DENND4C: variants seen among roughly 807,000 people sequenced by gnomAD.
DENND4C encodes DENN domain-containing protein 4C.
Under a neutral mutation model 203.0 loss-of-function variants are expected in DENND4C, and 108 were observed. That is an observed-to-expected ratio of 0.53 (90% CI 0.46 to 0.62). The LOEUF is 0.62. Among genes scored for constraint, DENND4C ranks in the 20% least tolerant of loss-of-function variants. The pLI is 0.00. For synonymous variants in DENND4C, 871 were observed against 792.4 expected, an observed-to-expected ratio of 1.10 and a Z score of -1.67; for missense variants, 2,481 against 2,301.2, an observed-to-expected ratio of 1.08 and a Z score of -1.60.
rs765972177 is a variant in DENND4C at position 19,324,374 on chromosome 9, G to C, written c.1820G>C (p.Ser607Thr). Residue 607 changes from serine to threonine, a missense_variant, in exon 13 of 33, where the codon AGT becomes ACT. By Grantham distance (58) the Ser-to-Thr change is moderately conservative (BLOSUM62 1). Around this residue, in one of 3 missense-constraint regions of DENND4C, gnomAD observed 2,289 missense variants for 2,113.3 expected, o/e 1.08. Transcript: ENST00000434457. ...SLFDRQGFLK[S>T]RDRAYAKFYT... The stretch of plus-strand genomic sequence containing the variant: ...TTGTTTTCCTCAGGATTTTTAAAAA[G>C]TCGAGATCGTGCCTATGCAAAATTC... The C allele has an allele frequency of 1.3e-6, 2 of 1,590,388 alleles. No individual in the cohort carries two copies. The highest frequency in any genetic ancestry group is 2.7e-5 in the African/African-American group (2 of 73,282).
chr9:19,265,423 A>G (rs1830286678), intron 1 of DENND4C, among the ~76,000 whole-genome samples: 3 of 139,048 alleles, frequency 2.2e-5, no homozygotes, highest in Non-Finnish European at 4.6e-5. Context: ...TCCTCTTGTT[A>G]CTGATTTCTT....
intron 31 of DENND4C, 25 bp from the exon 32 acceptor site, chr9:19,371,731 C>T (rs1486504807): frequency 7.9e-7 from 1 of 1,260,840 alleles, no homozygotes; most frequent in Non-Finnish European, 1.1e-6. Context: ...TGCCCATTGA[C>T]TTTTAAAACA....
Position 19,276,364 on chromosome 9 carries a change from G to A in DENND4C, c.190G>A (p.Val64Ile). The change falls in exon 2 of 33, where the codon GTA becomes ATA. Residue 64 changes from valine (V) to isoleucine (I), a missense_variant. Val to Ile is a conservative substitution (Grantham distance 29). This residue lies in a region of DENND4C where 187 missense variants were observed against 167.4 expected (regional missense o/e 1.12). Coordinates refer to ENST00000434457, the MANE Select transcript of DENND4C (RefSeq NM_001330640.2). ...AACAGTACCTGAAGGTTACACCTGT[G>A]TAGAAGCCACTCCATCAGCTCTCCA... Reference protein sequence around the residue: ...GETVPEGYTCVEATPSALQAN... With the variant: ...GETVPEGYTCIEATPSALQAN... 8.1e-7 allele frequency: 1 copy of A among 1,232,094 alleles called. No homozygotes were observed. The highest frequency in any genetic ancestry group is 1.0e-6 in the Non-Finnish European group (1 of 987,922). The allele number at this position is 1,232,094 out of a possible 1,614,324, so 76.3% of individuals were successfully genotyped here.
intron 1 of DENND4C, among the ~76,000 whole-genome samples, chr9:19,261,154 A>G (rs73425092): frequency 0.054 from 8,208 of 152,142 alleles, 375 homozygotes; most frequent in African/African-American, 0.12. Flanking sequence ...CACCTTTGTC[A>G]AAAATAAGTT....
chr9:19,305,822 C>CTTTTT (rs1298099307), intron 10 of DENND4C, among the ~76,000 whole-genome samples: 3 of 152,154 alleles, frequency 2.0e-5, no homozygotes, highest in Admixed American at 6.6e-5. Flanking sequence ...TTAAACACTG[C>CTTTTT]TTTCAGAGCT....
At chr9:19,294,034 T>C (rs958928398) in intron 5 of DENND4C, among the ~76,000 whole-genome samples, 1 of 152,144 alleles carries the variant, frequency 6.6e-6, no homozygotes, top group Non-Finnish European at 1.5e-5. Flanking sequence ...GATGATGAGC[T>C]CACTTTTGAA....
intron 1 of DENND4C, among the ~76,000 whole-genome samples, chr9:19,246,878 C>G (rs1416105020): frequency 2.0e-5 from 3 of 152,172 alleles, no homozygotes; most frequent in Admixed American, 2.0e-4. Flanking sequence ...ACAAAAACAG[C>G]TCATTTCTCA....
intron 7 of DENND4C, 135 bp downstream of exon 7, chr9:19,298,257 G>A: frequency 1.4e-6 from 1 of 697,130 alleles, no homozygotes; most frequent in Non-Finnish European, 2.3e-6. Context: ...TCTGTGCTTT[G>A]TAGCTTTACT....
chr9:19,327,713 T>G (rs1479973197), intron 15 of DENND4C, among the ~76,000 whole-genome samples: 1 of 151,836 alleles, frequency 6.6e-6, no homozygotes, highest in Non-Finnish European at 1.5e-5. Context: ...ATACTAAAAT[T>G]TTTTTAAACA....
rs563715442 is a variant in DENND4C at position 19,232,171 on chromosome 9, T to A, written c.-18+1338T>A. On this transcript the variant is annotated intron_variant, in intron 1 of 32. Coordinates refer to ENST00000434457, the MANE Select transcript of DENND4C (RefSeq NM_001330640.2). ...TATTACTGTTAAAGAGTTGGTAAAC[T>A]GCCGTCTTGCTGTGAGACTGGGAAG... 8.5e-5 allele frequency among the ~76,000 whole-genome samples: 13 copies of A among 152,348 alleles called. No individual in the cohort carries two copies. The East Asian group carries it at 2.5e-3, about 29-fold the overall frequency.
chr9:19,273,317 C>T (rs1832159752), intron 1 of DENND4C, among the ~76,000 whole-genome samples: 1 of 151,808 alleles, frequency 6.6e-6, no homozygotes, highest in African/African-American at 2.4e-5. Context: ...AACTCCTGAC[C>T]TCAGGTGATC....
At chr9:19,330,777 C>T (rs1469342351) in intron 16 of DENND4C, among the ~76,000 whole-genome samples, 21 of 151,964 alleles carry the variant, frequency 1.4e-4, no homozygotes, top group Admixed American at 1.0e-3. Context: ...TGGCTGGGCA[C>T]GGCAGCTCAC....
intron 2 of DENND4C, among the ~76,000 whole-genome samples, chr9:19,282,715 C>CTCTTTTTTTTTTTTTTTTT (rs758751945): frequency 2.3e-5 from 2 of 86,638 alleles, no homozygotes; most frequent in African/African-American, 8.9e-5. Flanking sequence ...TTTCTTCTCT[C>CTCTTTTTTTTTTTTTTTTT]TTTTTTTTTT....
At chr9:19,325,236 T>C (rs1480532980) in intron 13 of DENND4C, among the ~76,000 whole-genome samples, 2 of 152,148 alleles carry the variant, frequency 1.3e-5, no homozygotes, top group African/African-American at 4.8e-5. Flanking sequence ...TTGCCTAATA[T>C]GTTTCTTTTG....
chr9:19,286,632 A>G, intron 2 of DENND4C, 137 bp from the exon 3 acceptor site: 3 of 707,110 alleles, frequency 4.2e-6, no homozygotes, highest in Non-Finnish European at 5.9e-6. Flanking sequence ...GGGAAACAAT[A>G]GGAGAGACCA....
intron 29 of DENND4C, 74 bp downstream of exon 29, chr9:19,360,563 C>CAAT: frequency 6.4e-7 from 1 of 1,554,788 alleles, no homozygotes; most frequent in Non-Finnish European, 8.8e-7. Context: ...TGAAAGTATA[C>CAAT]AACAGTAGCA....
At chr9:19,278,081 T>C (rs1298507872) in intron 2 of DENND4C, among the ~76,000 whole-genome samples, 1 of 144,896 alleles carries the variant, frequency 6.9e-6, no homozygotes, top group African/African-American at 2.8e-5. Flanking sequence ...TTTCTTTTTT[T>C]TTTTTTTTTG....
At chr9:19,354,916 GT>G (rs11372435) in intron 26 of DENND4C, among the ~76,000 whole-genome samples, 21 of 135,230 alleles carry the variant, frequency 1.6e-4, no homozygotes, top group East Asian at 6.6e-4. Flanking sequence ...TTGGCTGTTT[GT>G]TTTTTTTTTT....
At chr9:19,252,350 G>C (rs1207382932) in intron 1 of DENND4C, among the ~76,000 whole-genome samples, 3 of 151,990 alleles carry the variant, frequency 2.0e-5, no homozygotes, top group Non-Finnish European at 4.4e-5. Context: ...CATGACATGT[G>C]GGAATTGTGG....
Sources: gnomAD v4.1 joint callset for allele counts (sites outside exome capture counted in the v4.1 genomes callset) on GRCh38, gnomAD v4.1.1 for gene constraint, gnomAD v4.1.1 regional missense constraint, MANE v1.5 for transcripts, NCBI Gene and HGNC (gene_info 2026-07-23, HGNC 2026-07-21) for gene names.